GALNTL6: variants seen among roughly 807,000 people sequenced by gnomAD.
The protein encoded by GALNTL6 is polypeptide N-acetylgalactosaminyltransferase like 6.
GALNTL6 carries 46 observed loss-of-function variants against 73.7 expected under a neutral mutation model. The observed-to-expected ratio is 0.62, with a 90% CI of 0.49 to 0.80. GALNTL6 has a LOEUF of 0.80. Among genes scored for constraint, GALNTL6 ranks in the 30% least tolerant of loss-of-function variants. GALNTL6 has a pLI of 0.00. For missense variants in GALNTL6, 604 were observed against 755.0 expected, an observed-to-expected ratio of 0.80 and a Z score of 2.34; for synonymous variants, 259 against 263.7, an observed-to-expected ratio of 0.98 and a Z score of 0.17.
chr4:172,980,524 A>G (rs1327386951), intron 10 of GALNTL6, among the ~76,000 whole-genome samples: 1 of 152,096 alleles, frequency 6.6e-6, no homozygotes, highest in Non-Finnish European at 1.5e-5. Context: ...TGGAATTCTG[A>G]GATCAGGATG....
intron 5 of GALNTL6, among the ~76,000 whole-genome samples, chr4:172,764,597 T>C (rs1170618421): frequency 6.6e-6 from 1 of 152,182 alleles, no homozygotes; most frequent in African/African-American, 2.4e-5. Context: ...AGTGATCTTT[T>C]TGACGAATTA....
chr4:171,820,684 T>C (rs1442591272), intron 2 of GALNTL6, among the ~76,000 whole-genome samples: 1 of 152,202 alleles, frequency 6.6e-6, no homozygotes, highest in Non-Finnish European at 1.5e-5. Flanking sequence ...TACATCTACT[T>C]AGCAAGTGTG....
At chr4:172,004,462 A>G (rs1231786027) in intron 2 of GALNTL6, among the ~76,000 whole-genome samples, 1 of 151,934 alleles carries the variant, frequency 6.6e-6, no homozygotes, top group Non-Finnish European at 1.5e-5. Flanking sequence ...TACCTCCTGG[A>G]TCCTTTCAAA....
chr4:172,898,626 GA>G (rs767990927), intron 8 of GALNTL6, among the ~76,000 whole-genome samples: 3 of 151,910 alleles, frequency 2.0e-5, no homozygotes, highest in Non-Finnish European at 4.4e-5. Context: ...ATTGCTGAGG[GA>G]AAAAAATGCA....
intron 2 of GALNTL6, among the ~76,000 whole-genome samples, chr4:172,030,824 A>G (rs1434662249): frequency 6.6e-6 from 1 of 151,920 alleles, no homozygotes; most frequent in Non-Finnish European, 1.5e-5. Context: ...ATATAAACAT[A>G]AACTTTAATG....
chr4:172,152,314 G>C (rs1220346565), intron 2 of GALNTL6, among the ~76,000 whole-genome samples: 1 of 152,126 alleles, frequency 6.6e-6, no homozygotes, highest in Non-Finnish European at 1.5e-5. Context: ...GATCATAACT[G>C]AAGTGTTATG....
At chr4:172,450,257 ACTT>A (rs1472256468) in intron 5 of GALNTL6, among the ~76,000 whole-genome samples, 3 of 150,954 alleles carry the variant, frequency 2.0e-5, no homozygotes, top group East Asian at 2.0e-4. Context: ...CCCTAAACTG[ACTT>A]CTTCTGTCCT....
At chr4:172,536,667 A>T (rs528175725) in intron 5 of GALNTL6, among the ~76,000 whole-genome samples, 1 of 152,326 alleles carries the variant, frequency 6.6e-6, no homozygotes, top group South Asian at 2.1e-4. Context: ...GGTGCTTTTA[A>T]AAGCATTTAC....
At chr4:172,821,998 C>T (rs1395264894) in intron 7 of GALNTL6, among the ~76,000 whole-genome samples, 1 of 152,124 alleles carries the variant, frequency 6.6e-6, no homozygotes, top group Non-Finnish European at 1.5e-5. Flanking sequence ...AGAAATTCTC[C>T]GTAAGGGGTG....
chr4:171,986,532 A>G (rs937285123), intron 2 of GALNTL6, among the ~76,000 whole-genome samples: 1 of 152,040 alleles, frequency 6.6e-6, no homozygotes, highest in South Asian at 2.1e-4. Flanking sequence ...GATGGTGAAA[A>G]TTTTAGGGGG....
rs144269235 is a variant in GALNTL6, at chr4:172,621,891, T to A, written c.554-187470T>A. On this transcript the variant is annotated intron_variant, in intron 5 of 12. Coordinates refer to ENST00000506823, the MANE Select transcript of GALNTL6 (RefSeq NM_001034845.3). ...TTATATTTCTCTTTAATCTTAGAAT[T>A]TAAGAATAATACCAAGGTTTGCTTG... 9.3e-4 allele frequency among the ~76,000 whole-genome samples: 141 copies of A among 152,268 alleles called. 1 individual carries two copies. The highest frequency in any genetic ancestry group is 3.1e-3 in the African/African-American group (128 of 41,576).
chr4:172,762,600 G>A (rs1305299793), intron 5 of GALNTL6, among the ~76,000 whole-genome samples: 2 of 151,780 alleles, frequency 1.3e-5, no homozygotes, highest in African/African-American at 4.8e-5. Flanking sequence ...TTAAATTATA[G>A]AATTTTCTTT....
intron 5 of GALNTL6, among the ~76,000 whole-genome samples, chr4:172,779,757 T>C (rs747794631): frequency 1.8e-4 from 28 of 152,300 alleles, no homozygotes; most frequent in Non-Finnish European, 3.8e-4. Flanking sequence ...ATTGTGACAA[T>C]GGAGAAAGAT....
At chr4:172,631,970 G>A (rs1739415315) in intron 5 of GALNTL6, among the ~76,000 whole-genome samples, 1 of 152,170 alleles carries the variant, frequency 6.6e-6, no homozygotes, top group African/African-American at 2.4e-5. Context: ...TAGTGAATAA[G>A]TCTCATGAAA....
At chr4:171,880,574 T>C (rs1163457285) in intron 2 of GALNTL6, among the ~76,000 whole-genome samples, 1 of 152,164 alleles carries the variant, frequency 6.6e-6, no homozygotes, top group Non-Finnish European at 1.5e-5. Flanking sequence ...AAATCCAGAA[T>C]TGTGCTGAAG....
Position 172,888,326 on chromosome 4 carries a change from C to T in GALNTL6, c.1041+5419C>T, listed in dbSNP as rs569260300. ...ATAATTTTTATAGCTTAAGGTCTTACATTTAAGTCTTTAATCTATCTCGAG... is the reference window on the plus strand; with the variant it reads ...ATAATTTTTATAGCTTAAGGTCTTATATTTAAGTCTTTAATCTATCTCGAG... On this transcript the variant is annotated intron_variant, in intron 8 of 12. Transcript: ENST00000506823. Among the ~76,000 whole-genome samples, 25 of 152,282 alleles carry T rather than the reference C, an allele frequency of 1.6e-4. No individual in the cohort carries two copies. The East Asian group carries it at 3.9e-3, about 24-fold the overall frequency.
chr4:172,575,865 C>T (rs1230615570), intron 5 of GALNTL6, among the ~76,000 whole-genome samples: 2 of 152,088 alleles, frequency 1.3e-5, no homozygotes, highest in African/African-American at 4.8e-5. Flanking sequence ...TGTTGATTTA[C>T]AGTTTTGGGA....
At position 171,935,439 on chromosome 4, in the gene GALNTL6, T is replaced by C. The variant is rs547937546; in HGVS notation, c.138+120721T>C. 3.3e-5 allele frequency among the ~76,000 whole-genome samples: 5 copies of C among 152,302 alleles called. No homozygotes were observed. In the South Asian group the frequency reaches 1.0e-3, roughly 32 times the overall value. On this transcript the variant is annotated intron_variant, in intron 2 of 12. Coordinates refer to ENST00000506823, the MANE Select transcript of GALNTL6 (RefSeq NM_001034845.3). ...ATTGGAAGAAACTAATAAGGCTACA[T>C]TGACCCTGTTGACTGAAGAAACACA...
intron 5 of GALNTL6, among the ~76,000 whole-genome samples, chr4:172,365,878 A>G (rs1018024964): frequency 2.0e-5 from 3 of 152,108 alleles, no homozygotes; most frequent in Admixed American, 1.3e-4. Context: ...GGTATAATCA[A>G]CTTCCATTAA....
Sources: gnomAD v4.1 joint callset for allele counts (sites outside exome capture counted in the v4.1 genomes callset) on GRCh38, gnomAD v4.1.1 for gene constraint, MANE v1.5 for transcripts, NCBI Gene and HGNC (gene_info 2026-07-23, HGNC 2026-07-21) for gene names.